RBFOX1: variants seen among roughly 807,000 people sequenced by gnomAD.
RBFOX1 encodes RNA binding fox-1 homolog 1.
In RBFOX1, 8 loss-of-function variants were observed where a neutral mutation model predicts 57.7. The observed-to-expected ratio is 0.14, with a 90% CI of 0.08 to 0.25. RBFOX1 has a LOEUF of 0.25. Among genes scored for constraint, RBFOX1 ranks in the 10% least tolerant of loss-of-function variants. The pLI is 1.00. For missense variants in RBFOX1, 611 were observed against 548.5 expected (o/e 1.11, Z -1.14); for synonymous variants, 326 against 222.4 (o/e 1.47, Z -4.15).
chr16:6,558,693 C>T (rs1482703589), intron 2 of RBFOX1, among the ~76,000 whole-genome samples: 3 of 152,108 alleles, frequency 2.0e-5, no homozygotes, highest in East Asian at 1.9e-4. Flanking sequence ...CAAACAGGTG[C>T]TTATTCATTC....
chr16:6,975,576 C>T (rs1246717524), intron 3 of RBFOX1, among the ~76,000 whole-genome samples: 1 of 152,108 alleles, frequency 6.6e-6, no homozygotes, highest in African/African-American at 2.4e-5. Context: ...CGCAAGTGCC[C>T]ATATGTTGAT....
At chr16:5,617,977 C>CA (rs1330560422) in intron 3 of RBFOX1, among the ~76,000 whole-genome samples, 3 of 152,248 alleles carry the variant, frequency 2.0e-5, no homozygotes, top group Admixed American at 2.0e-4. Flanking sequence ...AGAAGGTACC[C>CA]AGGAAATGGT....
intron 3 of RBFOX1, among the ~76,000 whole-genome samples, chr16:6,751,826 C>G (rs1004925033): frequency 8.5e-5 from 13 of 152,186 alleles, no homozygotes; most frequent in African/African-American, 2.7e-4. Flanking sequence ...CATAACAAAG[C>G]TGTCTCTGAC....
At chr16:7,252,511 ATTTCTGGCT>A (rs1217972010) in intron 4 of RBFOX1, among the ~76,000 whole-genome samples, 8 of 152,100 alleles carry the variant, frequency 5.3e-5, no homozygotes, top group South Asian at 2.1e-4. Flanking sequence ...AGATCTTTAT[ATTTCTGGCT>A]TTTCATTAAA....
chr16:6,494,114 A>T (rs559371623), intron 2 of RBFOX1, among the ~76,000 whole-genome samples: 1 of 152,348 alleles, frequency 6.6e-6, no homozygotes, highest in African/African-American at 2.4e-5. Context: ...GAAAATATAG[A>T]TAGATCTCTT....
intron 5 of RBFOX1, among the ~76,000 whole-genome samples, chr16:7,573,500 T>C (rs921429377): frequency 6.6e-6 from 1 of 152,146 alleles, no homozygotes; most frequent in Non-Finnish European, 1.5e-5. Flanking sequence ...CTCCCAAATA[T>C]GGTAATGTCC....
intron 4 of RBFOX1, among the ~76,000 whole-genome samples, chr16:7,252,250 G>A (rs9940915): frequency 0.68 from 103,704 of 152,096 alleles, 37,338 homozygotes; most frequent in African/African-American, 0.92. Context: ...TCATTTATTC[G>A]TTCATTCAAA....
intron 3 of RBFOX1, among the ~76,000 whole-genome samples, chr16:5,705,298 C>G (rs1254414716): frequency 6.6e-6 from 1 of 152,080 alleles, no homozygotes; most frequent in Non-Finnish European, 1.5e-5. Flanking sequence ...GTCTTGCTGT[C>G]TTGTCCAGGC....
chr16:7,539,628 T>A (rs1369584684), intron 5 of RBFOX1, among the ~76,000 whole-genome samples: 1 of 152,172 alleles, frequency 6.6e-6, no homozygotes, highest in Admixed American at 6.5e-5. Flanking sequence ...CCACCAGGCA[T>A]TGGTGATCCA....
intron 2 of RBFOX1, among the ~76,000 whole-genome samples, chr16:6,616,122 T>A (rs1182796091): frequency 1.3e-5 from 2 of 152,218 alleles, no homozygotes; most frequent in East Asian, 3.9e-4. Context: ...GAATCTTTTA[T>A]AGGAAGTGTC....
chr16:7,307,321 C>A (rs1259104787), intron 4 of RBFOX1, among the ~76,000 whole-genome samples: 1 of 152,170 alleles, frequency 6.6e-6, no homozygotes, highest in Non-Finnish European at 1.5e-5. Flanking sequence ...CATGAACATC[C>A]AACCTTTCCT....
intron 4 of RBFOX1, chr16:7,509,978 T>TC (rs1291796578): frequency 1.1e-5 from 2 of 185,872 alleles, no homozygotes; most frequent in African/African-American, 4.9e-5. Flanking sequence ...TTTTTTTTTT[T>TC]TTCCCTTCCT....
intron 1 of RBFOX1, among the ~76,000 whole-genome samples, chr16:6,145,798 A>T (rs1331571705): frequency 6.6e-6 from 1 of 152,220 alleles, no homozygotes; most frequent in Non-Finnish European, 1.5e-5. Flanking sequence ...GGAAAAAAAG[A>T]AAAAAGAAGC....
chr16:6,783,788 A>G (rs2081440877), intron 3 of RBFOX1, among the ~76,000 whole-genome samples: 3 of 152,130 alleles, frequency 2.0e-5, no homozygotes, highest in Admixed American at 6.5e-5. Flanking sequence ...CCTGTCTTTC[A>G]TATTGAAGAA....
chr16:5,350,789 C>A (rs778777110), intron 1 of RBFOX1, among the ~76,000 whole-genome samples: 1 of 152,098 alleles, frequency 6.6e-6, no homozygotes, highest in African/African-American at 2.4e-5. Context: ...TCACTTGAAC[C>A]CGGAGGCGGA....
At chr16:5,620,933 C>T (rs7404215) in intron 3 of RBFOX1, among the ~76,000 whole-genome samples, 44,768 of 151,472 alleles carry the variant, frequency 0.3, 7,943 homozygotes, top group East Asian at 0.76. Flanking sequence ...TTCCGCCTCC[C>T]GGGTTCCTGC....
chr16:5,281,382 AGAT>A (rs1294140834), intron 1 of RBFOX1, among the ~76,000 whole-genome samples: 1 of 152,200 alleles, frequency 6.6e-6, no homozygotes, highest in Non-Finnish European at 1.5e-5. Flanking sequence ...TGTGTTGATG[AGAT>A]GATAGTGTAT....
At chr16:6,662,744 G>T (rs191192018) in intron 3 of RBFOX1, among the ~76,000 whole-genome samples, 148 of 152,196 alleles carry the variant, frequency 9.7e-4, no homozygotes, top group Admixed American at 7.1e-3. Flanking sequence ...GGCAATTCTG[G>T]CATCTGGCTA....
At chr16:5,926,066 G>T (rs1280928554) in intron 4 of RBFOX1, among the ~76,000 whole-genome samples, 2 of 152,192 alleles carry the variant, frequency 1.3e-5, no homozygotes, top group Non-Finnish European at 2.9e-5. Flanking sequence ...TGTTAGCTGG[G>T]AGTTGGAGGA....
Sources: gnomAD v4.1 joint callset for allele counts (sites outside exome capture counted in the v4.1 genomes callset) on GRCh38, gnomAD v4.1.1 for gene constraint, MANE v1.5 for transcripts, NCBI Gene and HGNC (gene_info 2026-07-23, HGNC 2026-07-21) for gene names.